The following MYLK3 variants were observed in gnomAD, a reference collection of about 807,000 sequenced individuals.
MYLK3 encodes the protein MLC kinase.
MYLK3 carries 55 observed loss-of-function variants against 76.3 expected under a neutral mutation model. The ratio of observed to expected loss-of-function variants is 0.72; its 90% confidence interval spans 0.58 to 0.90. The LOEUF is 0.90. Among genes scored for constraint, MYLK3 ranks in the 40% least tolerant of loss-of-function variants. The probability of loss-of-function intolerance (pLI) is 0.00; values close to 1 mark genes in which losing one functional copy is unlikely to be tolerated. For missense variants in MYLK3, 973 were observed against 1,053.6 expected, an observed-to-expected ratio of 0.92 and a Z score of 1.06; for synonymous variants, 416 against 425.4, an observed-to-expected ratio of 0.98 and a Z score of 0.27.
At chr16:46,748,825 G>A (rs1459991877), upstream of MYLK3, among the ~76,000 whole-genome samples, 3 of 152,206 alleles carry the variant, frequency 2.0e-5, no homozygotes, top group African/African-American at 7.2e-5. The surrounding 1 kb of genome is among the most constrained non-coding windows in gnomAD (Gnocchi z 4.3). Flanking sequence ...CAGAACATGT[G>A]TTTAGACTGT....
chr16:46,713,493 C>A (rs942631046), intron 9 of MYLK3, among the ~76,000 whole-genome samples: 1 of 152,174 alleles, frequency 6.6e-6, no homozygotes, highest in African/African-American at 2.4e-5. Context: ...CCACTACACC[C>A]AGCCGGTATA....
At chr16:46,743,027 G>A (rs561561501) in intron 1 of MYLK3, among the ~76,000 whole-genome samples, 18 of 152,228 alleles carry the variant, frequency 1.2e-4, no homozygotes, top group African/African-American at 2.9e-4. Flanking sequence ...AGGCGCATGC[G>A]TACGCACCCC....
In MYLK3 at chr16:46,719,065, C is replaced by T. The variant is rs369979439; in HGVS notation, c.1985+2058G>A. ...TGTGATTCGGCCTGCCGTGGTGGCT[C>T]ATACCTATAATCCCAGCACTTTGGG... On this transcript the variant is annotated intron_variant, in intron 9 of 12. Coordinates refer to ENST00000394809, the MANE Select transcript of MYLK3 (RefSeq NM_182493.3). Among the ~76,000 whole-genome samples, 9 of 152,188 alleles carry T rather than the reference C, an allele frequency of 5.9e-5. No individual in the cohort carries two copies. In the East Asian group the frequency reaches 9.7e-4, roughly 16 times the overall value.
chr16:46,747,590 T>TC, intron 1 of MYLK3, 127 bp downstream of exon 1: 2 of 908,160 alleles, frequency 2.2e-6, no homozygotes, highest in Non-Finnish European at 3.4e-6. Context: ...GCTCTCCTTT[T>TC]CCCCATCAAC....
At chr16:46,729,479 G>T in intron 6 of MYLK3, 115 bp downstream of exon 6, 5 of 991,046 alleles carry the variant, frequency 5.0e-6, no homozygotes, top group Non-Finnish European at 7.7e-6. Context: ...GGGAATTCTG[G>T]AAAAGAGCAG....
chr16:46,745,492 C>T (rs1203660996), intron 1 of MYLK3, among the ~76,000 whole-genome samples: 1 of 152,056 alleles, frequency 6.6e-6, no homozygotes, highest in African/African-American at 2.4e-5. Flanking sequence ...ACCTGTAATC[C>T]CAGCACTTTG....
intron 11 of MYLK3, 51 bp from the exon 12 acceptor site, chr16:46,709,722 ATCCAAAAATCTGTTCACTTGAGT>A (rs1966663920): frequency 6.3e-7 from 1 of 1,592,224 alleles, no homozygotes; most frequent in African/African-American, 1.4e-5. Flanking sequence ...GCCTTTTCTC[ATCCAAAAATCTGTTCACTTGAGT>A]AGGAAGCCTG....
At position 46,711,563 on chromosome 16, in the gene MYLK3, T is replaced by A. The variant is rs968600786; in HGVS notation, c.2115-774A>T. 1.8e-5 allele frequency: 6 copies of A among 342,762 alleles called. No individual in the cohort carries two copies. The East Asian group carries it at 6.0e-4, about 34-fold the overall frequency. 21.2% of individuals were successfully genotyped at this position (342,762 alleles called of 1,614,324 possible). ...CCTCATTCTGTCACCCAGGCTGGAG[T>A]GCTATGGTGCAATCATAGCTCACCG... On this transcript the variant is annotated intron_variant, in intron 10 of 12. Coordinates refer to ENST00000394809, the MANE Select transcript of MYLK3 (RefSeq NM_182493.3).
chr16:46,710,194 G>A (rs1966668802), intron 11 of MYLK3, among the ~76,000 whole-genome samples: 2 of 152,216 alleles, frequency 1.3e-5, no homozygotes, highest in African/African-American at 4.8e-5. Context: ...AATACCTTTG[G>A]TTATGTCCAG....
At position 46,709,675 on chromosome 16, in the gene MYLK3, T is replaced by C. The variant is rs999150349; in HGVS notation, c.2268-4A>G. On this transcript the variant is annotated splice_region_variant and splice_polypyrimidine_tract_variant and intron_variant, in intron 11 of 12. Coordinates refer to ENST00000394809, the MANE Select transcript of MYLK3 (RefSeq NM_182493.3). ...CTGTGTGGCACTCATTCTGCAGCTG[T>C]GAAATCAAAGAGCAGTTAAGACTTT... is the stretch of plus-strand genomic sequence containing the variant. 2 of 1,608,848 alleles carry C rather than the reference T, an allele frequency of 1.2e-6. No individual in the cohort carries two copies. Among genetic ancestry groups the C allele is most frequent in the Non-Finnish European group, 1.7e-6 (2 of 1,178,824 alleles).
At chr16:46,727,555 C>G (rs1054186361) in intron 7 of MYLK3, among the ~76,000 whole-genome samples, 178 bp from the exon 8 acceptor site, 1 of 152,196 alleles carries the variant, frequency 6.6e-6, no homozygotes. Context: ...TAGACAGAGT[C>G]TCACCCTGTC....
At chr16:46,735,661 T>C (rs931193177) in intron 3 of MYLK3, among the ~76,000 whole-genome samples, 1 of 152,188 alleles carries the variant, frequency 6.6e-6, no homozygotes, top group Non-Finnish European at 1.5e-5. Context: ...TCCAACACTG[T>C]GCCTTGGGAC....
intron 12 of MYLK3, among the ~76,000 whole-genome samples, chr16:46,708,547 T>C (rs182045857): frequency 6.6e-6 from 1 of 152,254 alleles, no homozygotes; most frequent in Non-Finnish European, 1.5e-5. Flanking sequence ...CTCAAACTCC[T>C]GAACTCAAGT....
At chr16:46,728,893 C>T in intron 7 of MYLK3, 131 bp downstream of exon 7, 1 of 664,032 alleles carries the variant, frequency 1.5e-6, no homozygotes, top group Non-Finnish European at 2.6e-6. Context: ...CCAGAGAAGA[C>T]AGGATGACAC....
chr16:46,713,167 C>T (rs917903272), intron 9 of MYLK3, among the ~76,000 whole-genome samples: 1 of 149,290 alleles, frequency 6.7e-6, no homozygotes, highest in Non-Finnish European at 1.5e-5. Flanking sequence ...CGAGAATGTA[C>T]TAATTGTATA....
chr16:46,732,190 G>T lies in MYLK3; in HGVS notation c.1462+18C>A. 6.4e-7 allele frequency: 1 copy of T among 1,554,332 alleles called. No homozygotes were observed. Among genetic ancestry groups the T allele is most frequent in the South Asian group, 1.2e-5 (1 of 84,482 alleles). ...TCCCCTCAGGGCTCGTGTCTAGCCA[G>T]GCAACAGCCCCACTTACCCAGAACC... On this transcript the variant is annotated intron_variant, in intron 4 of 12. Transcript: ENST00000394809.
rs1966624364 is a variant in MYLK3, at chr16:46,706,275, A to G, written c.*1429T>C. On this transcript the variant is annotated 3_prime_UTR_variant, in exon 13 of 13. Transcript: ENST00000394809. ...TGTGTGTGTGTTTGTGTGTGTGTAT[A>G]TATACATATACTGTATTCTTTTTTT... 1 of 151,032 alleles carries G rather than the reference A, an allele frequency of 6.6e-6. No homozygotes were observed. Among genetic ancestry groups the G allele is most frequent in the Admixed American group, 6.6e-5 (1 of 15,118 alleles). 9.4% of individuals were successfully genotyped at this position (151,032 alleles called of 1,614,324 possible). A position where few individuals can be genotyped will look rare whatever the true frequency, so the allele number is the denominator to read the frequency against.
At position 46,748,003 on chromosome 16, in the gene MYLK3, A is replaced by G. The variant is rs1313770426; in HGVS notation, c.191T>C (p.Leu64Pro). 7 of 1,613,684 alleles carry G rather than the reference A, an allele frequency of 4.3e-6. No homozygotes were observed. In the South Asian group the frequency reaches 5.5e-5, roughly 13 times the overall value. ...CRDMGHLERG[L>P]HRLEASRAPG... Reference sequence around the variant, plus strand: ...TGCCCGGGAGGCCTCCAGCCTGTGCAGGCCCCGCTCCAGGTGGCCCATGTC... The same window carrying G: ...TGCCCGGGAGGCCTCCAGCCTGTGCGGGCCCCGCTCCAGGTGGCCCATGTC... The change falls in exon 1 of 13, where the codon CTG becomes CCG. Residue 64 changes from leucine to proline, a missense_variant. Physicochemically the swap from Leu to Pro is moderately conservative, Grantham distance 98. Around this residue, in one of 2 missense-constraint regions of MYLK3, gnomAD observed 641 missense variants for 637.0 expected, o/e 1.01. Transcript: ENST00000394809. The surrounding 1 kb of genome is among the most constrained non-coding windows in gnomAD (Gnocchi z 4.3).
chr16:46,721,253 C>T (rs1468088843), intron 8 of MYLK3, 60 bp from the exon 9 acceptor site: 2 of 1,520,346 alleles, frequency 1.3e-6, no homozygotes, highest in East Asian at 2.2e-5. Context: ...GCAGCTGCCA[C>T]ACTTGTCTAT....
Sources: gnomAD v4.1 joint callset for allele counts (sites outside exome capture counted in the v4.1 genomes callset) on GRCh38, gnomAD v4.1.1 for gene constraint, gnomAD v4.1.1 regional missense constraint, Gnocchi (gnomAD v3.1) non-coding constraint, MANE v1.5 for transcripts, NCBI Gene and HGNC (gene_info 2026-07-23, HGNC 2026-07-21) for gene names.